AOPEP: variants seen among roughly 807,000 people sequenced by gnomAD.
The protein encoded by AOPEP is aminopeptidase O.
In AOPEP, 77 loss-of-function variants were observed where a neutral mutation model predicts 98.1. The observed-to-expected ratio is 0.78, with a 90% confidence interval of 0.65 to 0.95. The LOEUF is 0.95. AOPEP is among the 40% of genes least tolerant of loss of function. The pLI is 0.00. For synonymous variants in AOPEP, 346 were observed against 365.3 expected (o/e 0.95, Z 0.60); for missense variants, 1,024 against 1,024.7 (o/e 1.00, Z 0.01).
chr9:94,837,949 T>C (rs1401660197), intron 5 of AOPEP, among the ~76,000 whole-genome samples: 1 of 152,170 alleles, frequency 6.6e-6, no homozygotes, highest in East Asian at 1.9e-4. Context: ...GTCATCCAAA[T>C]TGGTAAAGAG....
chr9:95,081,478 G>T (rs868621268), intron 15 of AOPEP, among the ~76,000 whole-genome samples: 1 of 152,208 alleles, frequency 6.6e-6, no homozygotes, highest in African/African-American at 2.4e-5. Flanking sequence ...CTGCCTTCCA[G>T]CTGGGGTGGA....
At chr9:94,847,162 T>TACACACACA (rs2042968147) in intron 5 of AOPEP, among the ~76,000 whole-genome samples, 10 of 3,690 alleles carry the variant, frequency 2.7e-3, no homozygotes, top group Admixed American at 0.015. Context: ...ACTCTCTCTG[T>TACACACACA]CTCTCTCTCT....
chr9:94,984,634 T>A (rs1225425949), intron 11 of AOPEP, among the ~76,000 whole-genome samples: 1 of 152,234 alleles, frequency 6.6e-6, no homozygotes, highest in Non-Finnish European at 1.5e-5. Flanking sequence ...TCAATGTATA[T>A]ACCCAATAAA....
At chr9:95,064,706 A>G (rs985119317) in intron 14 of AOPEP, among the ~76,000 whole-genome samples, 1 of 152,252 alleles carries the variant, frequency 6.6e-6, no homozygotes, top group African/African-American at 2.4e-5. Flanking sequence ...AGAAAGCACC[A>G]TAGCATTTAT....
intron 13 of AOPEP, among the ~76,000 whole-genome samples, chr9:95,043,474 T>C (rs2065545002): frequency 6.6e-6 from 1 of 152,176 alleles, no homozygotes; most frequent in Non-Finnish European, 1.5e-5. Flanking sequence ...CATTTCTATT[T>C]AAAAGAATGA....
chr9:94,993,901 C>T (rs532839530), intron 11 of AOPEP, among the ~76,000 whole-genome samples: 4 of 152,256 alleles, frequency 2.6e-5, no homozygotes, highest in Admixed American at 6.5e-5. Flanking sequence ...TAATGGGATT[C>T]GGCTGGAGAT....
At chr9:94,845,940 C>T (rs1243243224) in intron 5 of AOPEP, among the ~76,000 whole-genome samples, 2 of 151,924 alleles carry the variant, frequency 1.3e-5, no homozygotes, top group African/African-American at 2.4e-5. Context: ...ATTAAAAATA[C>T]AAGAATTAGT....
At chr9:94,802,174 G>T (rs146789153) in intron 5 of AOPEP, among the ~76,000 whole-genome samples, 3 of 152,016 alleles carry the variant, frequency 2.0e-5, no homozygotes, top group Non-Finnish European at 2.9e-5. Context: ...CTTAATGGAG[G>T]GGGGGGCTTC....
intron 1 of AOPEP, among the ~76,000 whole-genome samples, chr9:94,728,213 T>C (rs1311620265): frequency 7.0e-6 from 1 of 143,110 alleles, no homozygotes; most frequent in Non-Finnish European, 1.5e-5. Flanking sequence ...AAAGCTTAAT[T>C]TGTGATCCTT....
chr9:94,928,340 A>G (rs964306806), intron 6 of AOPEP, 85 bp from the exon 7 acceptor site: 52 of 969,102 alleles, frequency 5.4e-5, no homozygotes, highest in Non-Finnish European at 6.5e-5. Context: ...CTTGTCCCCC[A>G]TTGAAACAAA....
At chr9:94,731,841 G>A (rs1830632262) in intron 1 of AOPEP, among the ~76,000 whole-genome samples, 1 of 129,308 alleles carries the variant, frequency 7.7e-6, no homozygotes, top group South Asian at 2.5e-4. Context: ...TTGTTGCCCA[G>A]GCTGGAGTGC....
intron 5 of AOPEP, among the ~76,000 whole-genome samples, chr9:94,902,433 C>T (rs547223748): frequency 6.6e-6 from 1 of 152,100 alleles, no homozygotes; most frequent in Admixed American, 6.5e-5. Flanking sequence ...CAATACCACA[C>T]CCCCTCTGAG....
intron 3 of AOPEP, among the ~76,000 whole-genome samples, chr9:94,784,295 T>C (rs117367309): frequency 2.2e-4 from 33 of 152,376 alleles, no homozygotes; most frequent in Non-Finnish European, 4.7e-4. Context: ...TTTAATTTAC[T>C]ATTGGTAGGC....
chr9:94,780,611 G>C (rs986579015), intron 3 of AOPEP, among the ~76,000 whole-genome samples: 1 of 152,200 alleles, frequency 6.6e-6, no homozygotes, highest in Non-Finnish European at 1.5e-5. Flanking sequence ...CAAAATGGCT[G>C]TTCTGAGGAT....
chr9:94,926,727 G>C (rs2054400291), intron 6 of AOPEP, among the ~76,000 whole-genome samples: 1 of 151,782 alleles, frequency 6.6e-6, no homozygotes, highest in African/African-American at 2.4e-5. Context: ...AGGGTGACAG[G>C]GGTCACCGGG....
intron 3 of AOPEP, among the ~76,000 whole-genome samples, chr9:94,782,858 C>G (rs1843594727): frequency 6.6e-6 from 1 of 152,134 alleles, no homozygotes; most frequent in Non-Finnish European, 1.5e-5. Flanking sequence ...TTGTTGTTGA[C>G]TAGTTCTTGC....
intron 7 of AOPEP, among the ~76,000 whole-genome samples, chr9:94,929,662 A>G (rs2054972554): frequency 6.6e-6 from 1 of 152,208 alleles, no homozygotes; most frequent in Non-Finnish European, 1.5e-5. Context: ...CTCTTGGCCA[A>G]TGCTGATTGA....
At chr9:94,868,964 C>T (rs1297586795) in intron 5 of AOPEP, among the ~76,000 whole-genome samples, 1 of 152,202 alleles carries the variant, frequency 6.6e-6, no homozygotes, top group African/African-American at 2.4e-5. Context: ...CATGGGGGCT[C>T]TCGCCTATAA....
intron 11 of AOPEP, among the ~76,000 whole-genome samples, chr9:94,992,749 C>T (rs951253487): frequency 5.3e-5 from 8 of 152,190 alleles, no homozygotes; most frequent in Non-Finnish European, 1.0e-4. Context: ...CTCTGGGCTG[C>T]GTCCGGTGCC....
Sources: allele counts gnomAD v4.1 joint callset (sites outside exome capture counted in the v4.1 genomes callset), GRCh38; gene constraint gnomAD v4.1.1; transcripts MANE v1.5; gene names NCBI Gene and HGNC (gene_info 2026-07-23, HGNC 2026-07-21).